Variants in DEPDC1B observed in about 807,000 individuals in gnomAD.
The protein encoded by DEPDC1B is DEP domain containing 1B.
DEPDC1B carries 51 observed loss-of-function variants against 66.5 expected under a neutral mutation model. The observed-to-expected ratio is 0.77, with a 90% CI of 0.61 to 0.97. The LOEUF (loss-of-function observed/expected upper bound fraction) is 0.97, where lower values mean the gene tolerates loss of function less well. Among genes scored for constraint, DEPDC1B ranks in the 50% least tolerant of loss-of-function variants. The pLI, the probability that DEPDC1B is intolerant of heterozygous loss-of-function variation, is 0.00. For missense variants in DEPDC1B, 552 were observed against 637.1 expected (o/e 0.87, Z 1.44); for synonymous variants, 226 against 223.6 (o/e 1.01, Z -0.10).
At chr5:60,654,723 T>A (rs1753537735) in intron 2 of DEPDC1B, among the ~76,000 whole-genome samples, 1 of 149,004 alleles carries the variant, frequency 6.7e-6, no homozygotes, top group Non-Finnish European at 1.5e-5. Context: ...GGGGGAATGC[T>A]TTCCACTTTT....
Position 60,599,074 on chromosome 5 carries a change from C to T in DEPDC1B, c.1428+1G>A, listed in dbSNP as rs1207083932. 6.3e-7 allele frequency: 1 copy of T among 1,579,526 alleles called. No individual in the cohort carries two copies. Among genetic ancestry groups the T allele is most frequent in the Non-Finnish European group, 8.6e-7 (1 of 1,168,492 alleles). On this transcript the variant is annotated splice_donor_variant, in intron 10 of 10. Coordinates refer to ENST00000265036, the MANE Select transcript of DEPDC1B (RefSeq NM_018369.3). LOFTEE classifies it high-confidence loss of function. ...ATGGCTTATAAAGAATATCCTTTTA[C>T]CTGCTTCAGTTTCTTCTTTTTCTCT...
At chr5:60,617,706 A>C (rs932134558) in intron 7 of DEPDC1B, among the ~76,000 whole-genome samples, 12 of 152,196 alleles carry the variant, frequency 7.9e-5, no homozygotes, top group African/African-American at 2.9e-4. Context: ...TCAACACCCC[A>C]CTGTCAACAT....
At chr5:60,598,283 C>T (rs991560174) in intron 10 of DEPDC1B, among the ~76,000 whole-genome samples, 6 of 152,144 alleles carry the variant, frequency 3.9e-5, no homozygotes, top group African/African-American at 1.4e-4. Flanking sequence ...CCAGCTTCTG[C>T]TCAAATGGAA....
At chr5:60,599,035 A>C in intron 10 of DEPDC1B, 40 bp downstream of exon 10, 2 of 1,495,678 alleles carry the variant, frequency 1.3e-6, no homozygotes, top group Non-Finnish European at 1.8e-6. Flanking sequence ...TAAAAACAGT[A>C]GGGAGGAGAA....
At position 60,597,492 on chromosome 5, in the gene DEPDC1B, T is replaced by C. The variant is rs943323753; in HGVS notation, c.*261A>G. ...GAGATAAAAATACCCTTAAATTCTG[T>C]AGCAATTACAAACATGTTAACATTA... On this transcript the variant is annotated 3_prime_UTR_variant, in exon 11 of 11. Coordinates refer to ENST00000265036, the MANE Select transcript of DEPDC1B (RefSeq NM_018369.3). 6.4e-5 allele frequency: 20 copies of C among 313,002 alleles called. No individual in the cohort carries two copies. Among genetic ancestry groups the C allele is most frequent in the East Asian group, 7.8e-5 (1 of 12,824 alleles). The allele number at this position is 313,002 out of a possible 1,614,324, so 19.4% of individuals were successfully genotyped here.
chr5:60,603,024 T>C (rs1187634710), intron 9 of DEPDC1B, among the ~76,000 whole-genome samples: 1 of 152,312 alleles, frequency 6.6e-6, no homozygotes, highest in East Asian at 1.9e-4. Flanking sequence ...CTTTGTGCCT[T>C]AGCTTTTTCA....
intron 2 of DEPDC1B, among the ~76,000 whole-genome samples, chr5:60,678,911 T>G (rs1754230211): frequency 6.6e-6 from 1 of 152,238 alleles, no homozygotes; most frequent in South Asian, 2.1e-4. Context: ...GAAATCCAGT[T>G]TATCATATTT....
intron 6 of DEPDC1B, among the ~76,000 whole-genome samples, chr5:60,641,036 A>T (rs1753178641): frequency 6.6e-6 from 1 of 152,352 alleles, no homozygotes; most frequent in East Asian, 1.9e-4. Flanking sequence ...TACTTGATAC[A>T]TATGAGACAA....
chr5:60,598,601 A>G (rs1420477793), intron 10 of DEPDC1B, among the ~76,000 whole-genome samples: 1 of 152,238 alleles, frequency 6.6e-6, no homozygotes, highest in Non-Finnish European at 1.5e-5. Flanking sequence ...GTTCCCTAAC[A>G]TAAGAGGAAC....
intron 2 of DEPDC1B, among the ~76,000 whole-genome samples, chr5:60,682,506 A>G (rs549741014): frequency 2.0e-5 from 3 of 152,236 alleles, no homozygotes; most frequent in Non-Finnish European, 4.4e-5. Flanking sequence ...CCTAAAACTT[A>G]AAGTATAATT....
At chr5:60,604,215 A>ATTTTTTTTTTTTTTTTTT (rs1323826916) in intron 8 of DEPDC1B, among the ~76,000 whole-genome samples, 5 of 60,082 alleles carry the variant, frequency 8.3e-5, no homozygotes, top group Non-Finnish European at 1.6e-4. Flanking sequence ...GAAATTAACT[A>ATTTTTTTTTTTTTTTTTT]TTCTTTTTTT....
At chr5:60,659,939 G>A (rs2111937634) in intron 2 of DEPDC1B, among the ~76,000 whole-genome samples, 1 of 152,204 alleles carries the variant, frequency 6.6e-6, no homozygotes, top group African/African-American at 2.4e-5. Context: ...CAGTTATGTG[G>A]GACCTGTTCC....
Position 60,677,326 on chromosome 5 carries a change from A to ACACACTCTCTCTCT in DEPDC1B, c.314+9635_314+9636insAGAGAGAGAGTGTG, listed in dbSNP as rs770640655. ...CACACACACACACACACACACACAC[A>ACACACTCTCTCTCT]CTCTCTCTCTCTCTCTCTCTCTCTC... On this transcript the variant is annotated intron_variant, in intron 2 of 10. Transcript: ENST00000265036. 7.2e-4 allele frequency among the ~76,000 whole-genome samples: 78 copies of ACACACTCTCTCTCT among 108,554 alleles called. 2 individuals carry two copies. The highest frequency in any genetic ancestry group is 2.9e-3 in the African/African-American group (74 of 25,294). 71.2% of individuals were successfully genotyped at this position (108,554 alleles called of 152,430 possible).
chr5:60,684,238 G>GTA (rs1754361346), intron 2 of DEPDC1B, among the ~76,000 whole-genome samples: 2 of 151,930 alleles, frequency 1.3e-5, no homozygotes, highest in South Asian at 4.1e-4. Flanking sequence ...CTAGAGAACA[G>GTA]AAAAAAACAA....
At chr5:60,695,985 G>A (rs1035455393) in intron 1 of DEPDC1B, among the ~76,000 whole-genome samples, 8 of 152,088 alleles carry the variant, frequency 5.3e-5, no homozygotes, top group African/African-American at 1.7e-4. Context: ...TTTTAGTTGA[G>A]ACGGGGTTTC....
chr5:60,627,207 A>G (rs1243962593), intron 7 of DEPDC1B, among the ~76,000 whole-genome samples: 1 of 152,066 alleles, frequency 6.6e-6, no homozygotes, highest in Non-Finnish European at 1.5e-5. Flanking sequence ...TGATTACCTA[A>G]TCTTTTTTAT....
At chr5:60,699,449 A>AAAAAAAC (rs1754730125) in intron 1 of DEPDC1B, among the ~76,000 whole-genome samples, 1 of 59,118 alleles carries the variant, frequency 1.7e-5, no homozygotes. Context: ...CCCAGAAAAA[A>AAAAAAAC]AAAAAAAAAA....
At chr5:60,682,672 C>G (rs1386258289) in intron 2 of DEPDC1B, among the ~76,000 whole-genome samples, 1 of 151,886 alleles carries the variant, frequency 6.6e-6, no homozygotes, top group African/African-American at 2.4e-5. Flanking sequence ...ATATAAGCAA[C>G]GAATTGGAAA....
At chr5:60,603,356 C>T (rs1238718635) in intron 9 of DEPDC1B, 35 bp downstream of exon 9, 1 of 1,464,794 alleles carries the variant, frequency 6.8e-7, no homozygotes, top group African/African-American at 1.4e-5. Flanking sequence ...TTTATATTGC[C>T]AATTTCATAG....
Sources: allele counts gnomAD v4.1 joint callset (sites outside exome capture counted in the v4.1 genomes callset), GRCh38; gene constraint gnomAD v4.1.1; transcripts MANE v1.5; gene names NCBI Gene and HGNC (gene_info 2026-07-23, HGNC 2026-07-21).